Variants in ADAMTS5 observed in about 807,000 individuals in gnomAD.
ADAMTS5 encodes the protein A disintegrin and metalloproteinase with thrombospondin motifs 5.
ADAMTS5 carries 54 observed loss-of-function variants against 81.4 expected under a neutral mutation model. The observed-to-expected ratio is 0.66, with a 90% CI of 0.53 to 0.83. ADAMTS5 has a LOEUF of 0.83. Ranked by LOEUF, ADAMTS5 falls within the 40% of genes least tolerant of loss-of-function variation. The pLI is 0.00. For synonymous variants in ADAMTS5, 532 were observed against 508.8 expected (o/e 1.05, Z -0.61); for missense variants, 1,194 against 1,229.9 (o/e 0.97, Z 0.44).
At chr21:26,961,580 A>G (rs1324526165) in intron 1 of ADAMTS5, among the ~76,000 whole-genome samples, 1 of 152,208 alleles carries the variant, frequency 6.6e-6, no homozygotes, top group Non-Finnish European at 1.5e-5. Context: ...TGCCTACATG[A>G]GTCTCACACA....
Position 26,924,575 on chromosome 21 carries a change from G to T in ADAMTS5, c.2271C>A (p.His757Gln). ...TGGCTTTGAACTGTCGAACTTTTATGTGGGTTGCCCCTTCAGGAATCCTCA... is the reference window on the plus strand; with the variant it reads ...TGGCTTTGAACTGTCGAACTTTTATTTGGGTTGCCCCTTCAGGAATCCTCA... Reference protein sequence around the residue: ...DVVRIPEGATHIKVRQFKAKD... With the variant: ...DVVRIPEGATQIKVRQFKAKD... The change falls in exon 8 of 8, where the codon CAC becomes CAA. Residue 757 changes from histidine (H) to glutamine (Q), a missense_variant. Around this residue, in one of 2 missense-constraint regions of ADAMTS5, gnomAD observed 696 missense variants for 817.6 expected, o/e 0.85. Coordinates refer to ENST00000284987, the MANE Select transcript of ADAMTS5 (RefSeq NM_007038.5). The T allele has an allele frequency of 6.2e-7, 1 of 1,614,034 alleles. No homozygotes were observed.
chr21:26,944,930 T>A (rs1987185532), intron 2 of ADAMTS5, among the ~76,000 whole-genome samples: 1 of 152,180 alleles, frequency 6.6e-6, no homozygotes, highest in Admixed American at 6.6e-5. Flanking sequence ...ATTTTTATGT[T>A]ATTTATACAG....
chr21:26,966,236 C>T lies in ADAMTS5; in HGVS notation c.156G>A (p.Gln52=), dbSNP rs200170989. 553 of 1,602,332 alleles carry T rather than the reference C, an allele frequency of 3.5e-4. 2 individuals carry two copies. The highest frequency in any genetic ancestry group is 1.8e-4 in the Non-Finnish European group (217 of 1,176,166). ...GGTGGCCGGGAGGCTCGGCTCGCTC[C>T]TGCACCTCCTCCCCCTGCCGCCGGC... ...QPRRRQGEEV[Q]ERAEPPGHPH... is the part of the protein sequence containing the mutation. The change falls in exon 1 of 8, where the codon CAG becomes CAA. Residue 52 remains glutamine, a synonymous_variant. Coordinates refer to ENST00000284987, the MANE Select transcript of ADAMTS5 (RefSeq NM_007038.5).
intron 7 of ADAMTS5, among the ~76,000 whole-genome samples, chr21:26,928,076 A>C (rs1477863546): frequency 6.6e-6 from 1 of 152,184 alleles, no homozygotes; most frequent in Middle Eastern, 3.2e-3. Context: ...GAAATATTTT[A>C]ATATGTATTA....
At chr21:26,937,709 G>A (rs7510287) in intron 3 of ADAMTS5, among the ~76,000 whole-genome samples, 6,391 of 152,202 alleles carry the variant, frequency 0.042, 222 homozygotes, top group African/African-American at 0.094. Flanking sequence ...AGTAAAAGGG[G>A]AAACTGATCA....
rs778769504 is a variant in ADAMTS5, at chr21:26,966,082, G to T, written c.310C>A (p.Arg104=). The T allele has an allele frequency of 5.0e-6, 8 of 1,612,872 alleles. No homozygotes were observed. The East Asian group carries it at 6.7e-5, about 13-fold the overall frequency. ...GGRRFLLDLE[R]DGSVGIAGFV... The stretch of plus-strand genomic sequence containing the variant: ...CCAGCAATGCCCACCGAACCATCTC[G>T]CTCCAGGTCCAAGAGGAACCTCCGG... The change falls in exon 1 of 8, where the codon CGA becomes AGA. Residue 104 remains arginine (R), a synonymous_variant. Coordinates refer to ENST00000284987, the MANE Select transcript of ADAMTS5 (RefSeq NM_007038.5).
intron 2 of ADAMTS5, among the ~76,000 whole-genome samples, chr21:26,944,198 A>C (rs760650431): frequency 5.9e-5 from 9 of 152,172 alleles, no homozygotes; most frequent in Non-Finnish European, 1.3e-4. Context: ...ATGAATGTTT[A>C]CTATTGTCAC....
intron 7 of ADAMTS5, among the ~76,000 whole-genome samples, chr21:26,924,828 C>A (rs766398754): frequency 6.6e-6 from 1 of 152,136 alleles, no homozygotes; most frequent in Non-Finnish European, 1.5e-5. Context: ...ATTGTATACA[C>A]TTTAATTGAG....
intron 1 of ADAMTS5, among the ~76,000 whole-genome samples, chr21:26,962,016 G>A (rs1055317398): frequency 1.1e-4 from 17 of 152,154 alleles, no homozygotes; most frequent in African/African-American, 3.4e-4. Context: ...CTATCAACTG[G>A]CATATTGATA....
chr21:26,943,885 C>CTG (rs1987163277), intron 2 of ADAMTS5, among the ~76,000 whole-genome samples: 1 of 152,168 alleles, frequency 6.6e-6, no homozygotes, highest in African/African-American at 2.4e-5. Context: ...ATAGCCCTCA[C>CTG]CACGTATCAT....
At chr21:26,942,144 C>T (rs1987126265) in intron 3 of ADAMTS5, among the ~76,000 whole-genome samples, 1 of 152,098 alleles carries the variant, frequency 6.6e-6, no homozygotes, top group Non-Finnish European at 1.5e-5. Context: ...TACCTGTTCA[C>T]CACGAATGGA....
Position 26,921,750 on chromosome 21 carries a change from A to G in ADAMTS5, c.*2303T>C, listed in dbSNP as rs1364312897. ...AGAAAACTACTTAAAAGCATGGAAT[A>G]GTGGTTTAATTGCTCTGAGCTCTCT... On this transcript the variant is annotated 3_prime_UTR_variant, in exon 8 of 8. Coordinates refer to ENST00000284987, the MANE Select transcript of ADAMTS5 (RefSeq NM_007038.5). 1 of 152,526 alleles carries G rather than the reference A, an allele frequency of 6.6e-6. No homozygotes were observed. Among genetic ancestry groups the G allele is most frequent in the East Asian group, 1.9e-4 (1 of 5,184 alleles). 9.4% of individuals were successfully genotyped at this position (152,526 alleles called of 1,614,324 possible).
chr21:26,923,811 T>A lies in ADAMTS5; in HGVS notation c.*242A>T, dbSNP rs1039943712. ...TGATTTTACATTCATCAGTGTTTCT[T>A]GTAAGCCCAGGGGATGTTCAATAAC... On this transcript the variant is annotated 3_prime_UTR_variant, in exon 8 of 8. Transcript: ENST00000284987. The A allele has an allele frequency of 2.3e-6, 1 of 431,688 alleles. No homozygotes were observed. The highest frequency in any genetic ancestry group is 4.1e-6 in the Non-Finnish European group (1 of 241,666). The allele number at this position is 431,688 out of a possible 1,614,324, so 26.7% of individuals were successfully genotyped here. A position where few individuals can be genotyped will look rare whatever the true frequency, so the allele number is the denominator to read the frequency against.
intron 6 of ADAMTS5, among the ~76,000 whole-genome samples, chr21:26,930,559 A>G (rs958601548): frequency 6.6e-6 from 1 of 152,238 alleles, no homozygotes; most frequent in Non-Finnish European, 1.5e-5. Context: ...GAACTGTCAG[A>G]CACTGAAATC....
intron 3 of ADAMTS5, among the ~76,000 whole-genome samples, chr21:26,935,332 T>C (rs1328446412): frequency 6.6e-6 from 1 of 152,158 alleles, no homozygotes; most frequent in African/African-American, 2.4e-5. Flanking sequence ...GCACCTACAA[T>C]GTTCTAGAAA....
At chr21:26,964,114 T>A (rs761453305) in intron 1 of ADAMTS5, among the ~76,000 whole-genome samples, 1 of 152,228 alleles carries the variant, frequency 6.6e-6, no homozygotes, top group East Asian at 1.9e-4. Context: ...TGATTTTACA[T>A]AATACTTCAA....
chr21:26,964,738 C>A (rs981901859), intron 1 of ADAMTS5, among the ~76,000 whole-genome samples: 1 of 152,138 alleles, frequency 6.6e-6, no homozygotes. Flanking sequence ...AGGAATCCAA[C>A]CTGGAAAAAG....
rs779953053 is a variant in ADAMTS5 at position 26,932,943 on chromosome 21, A to G, written c.1791T>C (p.Pro597=). The G allele has an allele frequency of 3.7e-6, 6 of 1,614,132 alleles. No individual in the cohort carries two copies. In the Admixed American group the frequency reaches 1.0e-4, roughly 27 times the overall value. ...AGTAGCGTCCGTTGTTTCTGGGAGC[A>G]GGGTTATTACAGTGACGATAGGCAA... ...VQFAYRHCNN[P]APRNNGRYCT... is the part of the protein sequence containing the mutation. Residue 597 remains proline (P), a synonymous_variant, in exon 5 of 8, where the codon CCT becomes CCC. Transcript: ENST00000284987.
At position 26,932,195 on chromosome 21, in the gene ADAMTS5, G is replaced by A. The variant is rs200225582; in HGVS notation, c.1874-16C>T. ...AATGATTTACCTAGAAAACAAACAT[G>A]TTTCAGTATTACCTTATCAGTTCTG... On this transcript the variant is annotated splice_polypyrimidine_tract_variant and intron_variant, in intron 5 of 7. Transcript: ENST00000284987. 1,074 of 1,609,294 alleles carry A rather than the reference G, an allele frequency of 6.7e-4. 19 individuals are homozygous for A. In the South Asian group the frequency reaches 0.012, roughly 17 times the overall value.
Sources: allele counts gnomAD v4.1 joint callset (sites outside exome capture counted in the v4.1 genomes callset), GRCh38; gene constraint gnomAD v4.1.1; regional missense constraint gnomAD v4.1.1; transcripts MANE v1.5; gene names NCBI Gene and HGNC (gene_info 2026-07-23, HGNC 2026-07-21).